FAM78B: variants seen among roughly 807,000 people sequenced by gnomAD.
The protein encoded by FAM78B is family with sequence similarity 78 member B.
Under a neutral mutation model 20.0 loss-of-function variants are expected in FAM78B, and 10 were observed. That is an observed-to-expected ratio of 0.50 (90% CI 0.31 to 0.85). The LOEUF is 0.85. Ranked by LOEUF, FAM78B falls within the 40% of genes least tolerant of loss-of-function variation. The probability of loss-of-function intolerance (pLI) is 0.05; values close to 1 mark genes in which losing one functional copy is unlikely to be tolerated. For missense variants in FAM78B, 283 were observed against 345.0 expected, an observed-to-expected ratio of 0.82 and a Z score of 1.42; for synonymous variants, 135 against 132.8, an observed-to-expected ratio of 1.02 and a Z score of -0.12.
intron 1 of FAM78B, among the ~76,000 whole-genome samples, chr1:166,145,467 C>T (rs531602467): frequency 1.2e-4 from 19 of 152,236 alleles, no homozygotes; most frequent in African/African-American, 3.9e-4. Flanking sequence ...GGAAAGAGGG[C>T]GTTTTGATGG....
intron 1 of FAM78B, among the ~76,000 whole-genome samples, chr1:166,096,401 A>T (rs2101742694): frequency 6.6e-6 from 1 of 152,322 alleles, no homozygotes; most frequent in African/African-American, 2.4e-5. Flanking sequence ...CAACCCAAAC[A>T]GCCCCATGCA....
chr1:166,146,443 G>T (rs374264011), intron 1 of FAM78B, among the ~76,000 whole-genome samples: 1 of 152,122 alleles, frequency 6.6e-6, no homozygotes, highest in Non-Finnish European at 1.5e-5. Context: ...GCTGCTGACC[G>T]GACAGGTAGG....
intron 1 of FAM78B, among the ~76,000 whole-genome samples, chr1:166,085,462 G>A (rs981235783): frequency 6.6e-6 from 1 of 152,198 alleles, no homozygotes; most frequent in African/African-American, 2.4e-5. Context: ...ATTCCCATCT[G>A]ATTTGGGAAT....
intron 1 of FAM78B, among the ~76,000 whole-genome samples, chr1:166,130,963 T>G (rs1013214983): frequency 5.4e-4 from 81 of 150,582 alleles, no homozygotes; most frequent in Middle Eastern, 7.1e-3. Flanking sequence ...ACTTGGTGTA[T>G]CTGCATCTCC....
chr1:166,076,546 T>G (rs1223391471), intron 1 of FAM78B, among the ~76,000 whole-genome samples: 2 of 152,202 alleles, frequency 1.3e-5, no homozygotes, highest in African/African-American at 4.8e-5. Flanking sequence ...CTCTGCTTTA[T>G]TTTTTCTCCA....
intron 1 of FAM78B, among the ~76,000 whole-genome samples, chr1:166,113,020 TA>T (rs1654116066): frequency 6.6e-6 from 1 of 152,156 alleles, no homozygotes; most frequent in African/African-American, 2.4e-5. Flanking sequence ...GTTTTCTAAT[TA>T]AAAAAATAAA....
intron 1 of FAM78B, among the ~76,000 whole-genome samples, chr1:166,103,193 A>G (rs1042084866): frequency 2.6e-5 from 4 of 152,344 alleles, no homozygotes; most frequent in South Asian, 2.1e-4. Context: ...TCTCTGGGAC[A>G]CATTTAAAGC....
chr1:166,142,668 C>T (rs79646891), intron 1 of FAM78B, among the ~76,000 whole-genome samples: 458 of 152,322 alleles, frequency 3.0e-3, no homozygotes, highest in Non-Finnish European at 3.8e-3. Context: ...ATAAGTTCCT[C>T]AAGGGTGGAA....
chr1:166,148,499 G>A (rs1479812321), intron 1 of FAM78B, among the ~76,000 whole-genome samples: 1 of 152,252 alleles, frequency 6.6e-6, no homozygotes, highest in Non-Finnish European at 1.5e-5. Flanking sequence ...ATGTGAAACA[G>A]AGATAATGTG....
intron 1 of FAM78B, among the ~76,000 whole-genome samples, chr1:166,106,407 G>T (rs1653788084): frequency 6.8e-6 from 1 of 148,092 alleles, no homozygotes; most frequent in Non-Finnish European, 1.5e-5. Flanking sequence ...GTATAAAAAA[G>T]AATGAAATCA....
chr1:166,135,637 T>C (rs1289914455), intron 1 of FAM78B, among the ~76,000 whole-genome samples: 2 of 152,216 alleles, frequency 1.3e-5, no homozygotes, highest in Admixed American at 1.3e-4. Flanking sequence ...GATAGCACTC[T>C]GAGTATTCTT....
intron 1 of FAM78B, among the ~76,000 whole-genome samples, chr1:166,109,890 G>A (rs7366688): frequency 0.051 from 1,167 of 22,894 alleles, 172 homozygotes; most frequent in Non-Finnish European, 0.089. Flanking sequence ...ATGTATATAT[G>A]TATATATATA....
At chr1:166,157,305 A>C (rs1376640167) in intron 1 of FAM78B, among the ~76,000 whole-genome samples, 1 of 151,946 alleles carries the variant, frequency 6.6e-6, no homozygotes, top group East Asian at 1.9e-4. Flanking sequence ...CTCTGTAATA[A>C]CAAAAATCAC....
At chr1:166,160,799 T>C (rs954957693) in intron 1 of FAM78B, among the ~76,000 whole-genome samples, 1 of 152,250 alleles carries the variant, frequency 6.6e-6, no homozygotes, top group African/African-American at 2.4e-5. Context: ...TGACATCTGC[T>C]TTCATGAAAT....
At chr1:166,165,527 G>C (rs1442992331) in intron 1 of FAM78B, among the ~76,000 whole-genome samples, 1 of 152,130 alleles carries the variant, frequency 6.6e-6, no homozygotes, top group Non-Finnish European at 1.5e-5. Flanking sequence ...CCCGGGACCT[G>C]CTCTTCCAAG....
intron 1 of FAM78B, among the ~76,000 whole-genome samples, chr1:166,151,873 G>A (rs1325704130): frequency 1.3e-5 from 2 of 152,100 alleles, no homozygotes; most frequent in Admixed American, 6.5e-5. Context: ...CAACTTTGAC[G>A]GCCCAGTAGA....
downstream of FAM78B, among the ~76,000 whole-genome samples, chr1:166,056,460 A>C (rs1651348240): frequency 6.6e-6 from 1 of 152,102 alleles, no homozygotes; most frequent in South Asian, 2.1e-4. Context: ...CAGTCCTGTC[A>C]ACCTCCATAG....
At chr1:166,099,058 C>T (rs1031098980) in intron 1 of FAM78B, among the ~76,000 whole-genome samples, 2 of 152,152 alleles carry the variant, frequency 1.3e-5, no homozygotes, top group Non-Finnish European at 2.9e-5. Context: ...TCAGCAGAAA[C>T]CCTACAAGCT....
At chr1:166,112,299 C>T (rs1654085769) in intron 1 of FAM78B, among the ~76,000 whole-genome samples, 1 of 152,172 alleles carries the variant, frequency 6.6e-6, no homozygotes, top group South Asian at 2.1e-4. Flanking sequence ...GGTGTGAGCC[C>T]AAAGCAAAGC....
Sources: gnomAD v4.1 joint callset for allele counts (sites outside exome capture counted in the v4.1 genomes callset) on GRCh38, gnomAD v4.1.1 for gene constraint, MANE v1.5 for transcripts, NCBI Gene and HGNC (gene_info 2026-07-23, HGNC 2026-07-21) for gene names.